The following LIMS2 variants were observed in gnomAD, a reference collection of about 807,000 sequenced individuals.
LIMS2 encodes LIM zinc finger domain containing 2, also known as LIM and senescent cell antigen-like-containing domain protein 2.
In LIMS2, 30 loss-of-function variants were observed where a neutral mutation model predicts 45.3. That is an observed-to-expected ratio of 0.66 (90% CI 0.50 to 0.90). The LOEUF is 0.90. Among genes scored for constraint, LIMS2 ranks in the 40% least tolerant of loss-of-function variants. The probability of loss-of-function intolerance (pLI) is 0.00; values close to 1 mark genes in which losing one functional copy is unlikely to be tolerated. For synonymous variants in LIMS2, 173 were observed against 188.0 expected (o/e 0.92, Z 0.65); for missense variants, 485 against 468.7 (o/e 1.03, Z -0.32).
At position 127,639,397 on chromosome 2, in the gene LIMS2, C is replaced by T. The variant is rs778791050; in HGVS notation, c.910G>A (p.Val304Met). ...NKFVEFDMKPVCKRCYEKFPL... is the reference protein window; with the variant it reads ...NKFVEFDMKPMCKRCYEKFPL... ...AACTTCTCGTAGCACCTCTTACACA[C>T]GGGCTTCATGTCGAACTCCACAAAC... Residue 304 changes from valine (V) to methionine (M), a missense_variant, in exon 10 of 10, where the codon GTG becomes ATG. Coordinates refer to ENST00000355119, the MANE Select transcript of LIMS2 (RefSeq NM_001161403.3). 8.1e-6 allele frequency: 13 copies of T among 1,613,762 alleles called. No individual in the cohort carries two copies. Among genetic ancestry groups the T allele is most frequent in the East Asian group, 6.7e-5 (3 of 44,888 alleles).
At chr2:127,679,316 G>A (rs990138194), upstream of LIMS2, among the ~76,000 whole-genome samples, 5 of 152,136 alleles carry the variant, frequency 3.3e-5, no homozygotes, top group African/African-American at 9.7e-5. The surrounding 1 kb of genome is among the most constrained non-coding windows in gnomAD (Gnocchi z 5.3). Flanking sequence ...GAGAAGAGAC[G>A]GCAGTTGGAA....
intron 4 of LIMS2, among the ~76,000 whole-genome samples, chr2:127,648,976 AGGG>A (rs1683317934): frequency 8.1e-5 from 1 of 12,364 alleles, no homozygotes. Context: ...GGGGGAGGGG[AGGG>A]AGGGGAGGGG....
At position 127,642,135 on chromosome 2, in the gene LIMS2, TGTC is replaced by T. The variant is rs1390172347; in HGVS notation, c.571_573del (p.Asp191del). On this transcript the variant is annotated inframe_deletion, in exon 6 of 10. Coordinates refer to ENST00000355119, the MANE Select transcript of LIMS2 (RefSeq NM_001161403.3). This position sits in a 1 kb window ranked among gnomAD's most constrained non-coding sequence, Gnocchi z 5.3. Reference sequence around the variant, plus strand: ...GCCCCGCAGATGGGGACGCCCATCTTGTCATGGCAGGGCAGGCAGTAGAGCTCA... The same window carrying T: ...GCCCCGCAGATGGGGACGCCCATCTTATGGCAGGGCAGGCAGTAGAGCTCA... The T allele has an allele frequency of 6.2e-7, 1 of 1,605,546 alleles. No homozygotes were observed. Among genetic ancestry groups the T allele is most frequent in the Non-Finnish European group, 8.5e-7 (1 of 1,175,786 alleles).
At chr2:127,641,174 AT>A in intron 6 of LIMS2, 186 bp from the exon 7 acceptor site, 2 of 588,806 alleles carry the variant, frequency 3.4e-6, no homozygotes, top group Non-Finnish European at 6.1e-6. Flanking sequence ...GCCTTTCAGG[AT>A]TCACACTGGG....
chr2:127,668,663 C>T (rs1211758660), intron 1 of LIMS2, among the ~76,000 whole-genome samples: 2 of 44,998 alleles, frequency 4.4e-5, no homozygotes, highest in African/African-American at 8.2e-5. Flanking sequence ...AGTGAGACTC[C>T]GTCTCAAAAA....
intron 1 of LIMS2, among the ~76,000 whole-genome samples, chr2:127,661,078 G>T (rs140976093): frequency 6.6e-6 from 1 of 152,220 alleles, no homozygotes; most frequent in Admixed American, 6.5e-5. Flanking sequence ...CAGAGACAAC[G>T]GAGACACAGC....
At chr2:127,659,911 G>A (rs1245888378) in intron 1 of LIMS2, among the ~76,000 whole-genome samples, 1 of 152,160 alleles carries the variant, frequency 6.6e-6, no homozygotes, top group Non-Finnish European at 1.5e-5. Context: ...CACGGGCCAG[G>A]TGCTGCTGGG....
rs559726359 is a variant in LIMS2 at position 127,653,543 on chromosome 2, C to T, written c.359+881G>A. On this transcript the variant is annotated intron_variant, in intron 4 of 9. Coordinates refer to ENST00000355119, the MANE Select transcript of LIMS2 (RefSeq NM_001161403.3). This position sits in a 1 kb window ranked among gnomAD's most constrained non-coding sequence, Gnocchi z 5.3. ...CAAGGGCAGCCATGAGGGCCGGGCA[C>T]GGAGCCCCAGACGACTCCCCATGGA... Among the ~76,000 whole-genome samples, 21 of 152,234 alleles carry T rather than the reference C, an allele frequency of 1.4e-4. No individual in the cohort carries two copies. Among genetic ancestry groups the T allele is most frequent in the South Asian group, 1.2e-3 (6 of 4,822 alleles).
intron 4 of LIMS2, chr2:127,650,154 GGGGCAAGCCAT>G (rs1683580803): frequency 2.3e-6 from 3 of 1,320,788 alleles, no homozygotes; most frequent in Admixed American, 2.0e-5. Context: ...CTAAGTGCCA[GGGGCAAGCCAT>G]GGTCAGGGGA....
Position 127,647,934 on chromosome 2 carries a change from G to A in LIMS2, c.360-4862C>T. ...CCTCACAGGCCCTGTCAAGGGCTGT[G>A]TTCCTCCCTCCTTTTACCTCTCCTC... On this transcript the variant is annotated intron_variant, in intron 4 of 9. Coordinates refer to ENST00000355119, the MANE Select transcript of LIMS2 (RefSeq NM_001161403.3). The surrounding 1 kb of genome is among the most constrained non-coding windows in gnomAD (Gnocchi z 4.3). 1.2e-6 allele frequency: 1 copy of A among 819,270 alleles called. No homozygotes were observed. Among genetic ancestry groups the A allele is most frequent in the Non-Finnish European group, 1.5e-6 (1 of 677,846 alleles). 50.8% of individuals were successfully genotyped at this position (819,270 alleles called of 1,614,324 possible).
chr2:127,639,536 C>T (rs1682186703), intron 9 of LIMS2, 108 bp from the exon 10 acceptor site: 1 of 1,379,612 alleles, frequency 7.2e-7, no homozygotes, highest in Admixed American at 1.9e-5. Flanking sequence ...CCACACCAGC[C>T]TCTCCTAGCC....
At chr2:127,674,528 G>T in intron 1 of LIMS2, 1 of 739,448 alleles carries the variant, frequency 1.4e-6, no homozygotes, top group Non-Finnish European at 1.7e-6. Context: ...CGCAGCTCTG[G>T]CCAAGTTCCA....
At chr2:127,680,165 G>C (rs1685585737), upstream of LIMS2, among the ~76,000 whole-genome samples, 1 of 152,242 alleles carries the variant, frequency 6.6e-6, no homozygotes, top group Admixed American at 6.5e-5. Flanking sequence ...GAGCGGGGAA[G>C]CACCTGCACA....
In LIMS2 at chr2:127,672,504, C is replaced by G. The variant is rs1457598724; in HGVS notation, c.11+2510G>C. On this transcript the variant is annotated intron_variant, in intron 1 of 9. Coordinates refer to ENST00000355119, the MANE Select transcript of LIMS2 (RefSeq NM_001161403.3). This position sits in a 1 kb window ranked among gnomAD's most constrained non-coding sequence, Gnocchi z 4.9. ...CCACACCAAGCATGCCATCCACCCC[C>G]ACCTGTCATCACAGGAGGGGCATCC... Among the ~76,000 whole-genome samples the G allele has an allele frequency of 1.3e-5, 2 of 152,118 alleles. No individual in the cohort carries two copies. The highest frequency in any genetic ancestry group is 2.4e-5 in the African/African-American group (1 of 41,408).
At position 127,642,262 on chromosome 2, in the gene LIMS2, C is replaced by T. The variant is rs979525103; in HGVS notation, c.510-63G>A. 11 of 1,425,192 alleles carry T rather than the reference C, an allele frequency of 7.7e-6. No homozygotes were observed. Among genetic ancestry groups the T allele is most frequent in the Admixed American group, 2.6e-5 (1 of 37,952 alleles). The allele number at this position is 1,425,192 out of a possible 1,614,324, so 88.3% of individuals were successfully genotyped here. ...CCCTTCTGCAGGGTCATGCCAGCAG[C>T]GCCTCCACCCCAGGGCACGGCTCCC... On this transcript the variant is annotated intron_variant, in intron 5 of 9. Coordinates refer to ENST00000355119, the MANE Select transcript of LIMS2 (RefSeq NM_001161403.3). This position sits in a 1 kb window ranked among gnomAD's most constrained non-coding sequence, Gnocchi z 5.3.
rs2105343320 is a variant in LIMS2, at chr2:127,671,329, A to T, written c.11+3685T>A. On this transcript the variant is annotated intron_variant, in intron 1 of 9. Coordinates refer to ENST00000355119, the MANE Select transcript of LIMS2 (RefSeq NM_001161403.3). The surrounding 1 kb of genome is among the most constrained non-coding windows in gnomAD (Gnocchi z 4.1). ...GCACCTGTAGTCCCAGCTACTTGGG[A>T]GGCTGAGGCAAGAGAATTGCTTGAA... Among the ~76,000 whole-genome samples the T allele has an allele frequency of 6.6e-6, 1 of 152,076 alleles. No individual in the cohort carries two copies.
chr2:127,675,866 C>A (rs1425442332), upstream of LIMS2, among the ~76,000 whole-genome samples: 1 of 152,240 alleles, frequency 6.6e-6, no homozygotes, highest in Non-Finnish European at 1.5e-5. Context: ...CTGCTTTCCC[C>A]GGGAAATTCC....
intron 1 of LIMS2, among the ~76,000 whole-genome samples, chr2:127,665,778 A>G (rs1684968739): frequency 6.6e-6 from 1 of 152,216 alleles, no homozygotes; most frequent in African/African-American, 2.4e-5. Flanking sequence ...GAAATCCTCA[A>G]CACTAGAATC....
rs1682342995 is a variant in LIMS2, at chr2:127,640,922, C to G, written c.727G>C (p.Ala243Pro). The G allele has an allele frequency of 2.5e-6, 4 of 1,613,768 alleles. No homozygotes were observed. In the African/African-American group the frequency reaches 4.0e-5, roughly 16 times the overall value. Reference protein sequence around the residue: ...GHRHYEKKGLAYCETHYNQLF... With the variant: ...GHRHYEKKGLPYCETHYNQLF... ...TGGTTGTAGTGAGTCTCGCAGTAGG[C>G]CAGGCCCTTCTTCTCATAGTGCCGG... The change falls in exon 7 of 10, where the codon GCC becomes CCC. Residue 243 changes from alanine (A) to proline (P), a missense_variant. Physicochemically the swap from Ala to Pro is conservative, Grantham distance 27. Coordinates refer to ENST00000355119, the MANE Select transcript of LIMS2 (RefSeq NM_001161403.3).
Sources: allele counts gnomAD v4.1 joint callset (sites outside exome capture counted in the v4.1 genomes callset), GRCh38; gene constraint gnomAD v4.1.1; non-coding constraint Gnocchi (gnomAD v3.1); transcripts MANE v1.5; gene names NCBI Gene and HGNC (gene_info 2026-07-23, HGNC 2026-07-21).